The following CDC42EP2 variants were observed in gnomAD, a reference collection of about 807,000 sequenced individuals.
CDC42EP2 encodes CDC42 effector protein (Rho GTPase binding) 2.
In CDC42EP2, 5 loss-of-function variants were observed where a neutral mutation model predicts 7.3. That is an observed-to-expected ratio of 0.68 (90% confidence interval 0.36 to 1.44). The LOEUF (loss-of-function observed/expected upper bound fraction) is 1.44, where lower values mean the gene tolerates loss of function less well. Among genes scored for constraint, CDC42EP2 ranks in the 40% most tolerant of loss-of-function variants. CDC42EP2 has a pLI of 0.04. For synonymous variants in CDC42EP2, 113 were observed against 123.6 expected (o/e 0.91, Z 0.57); for missense variants, 251 against 282.6 (o/e 0.89, Z 0.80).
chr11:65,316,958 C>G (rs1367426116), intron 1 of CDC42EP2: 3 of 152,386 alleles, frequency 2.0e-5, no homozygotes, highest in Non-Finnish European at 4.4e-5. Context: ...GGACCTGGCC[C>G]AGGCTCTGGG....
At chr11:65,316,516 T>C (rs891695031) in intron 1 of CDC42EP2, among the ~76,000 whole-genome samples, 1 of 152,002 alleles carries the variant, frequency 6.6e-6, no homozygotes, top group Non-Finnish European at 1.5e-5. Flanking sequence ...TCCCCAAACA[T>C]ATTATGGAAG....
rs4149835 is a variant in CDC42EP2 at position 65,321,027 on chromosome 11, T to C, written c.129T>C (p.Ile43=). Residue 43 remains isoleucine, a synonymous_variant, in exon 2 of 2, where the codon ATT becomes ATC. Transcript: ENST00000279249. The surrounding 1 kb of genome is among the most constrained non-coding windows in gnomAD (Gnocchi z 4.4). The stretch of plus-strand genomic sequence containing the variant: ...GGGACTTCCGCCACACCATTCATAT[T>C]GGCAGTGGCGGCGGCAGTGACATGT... ...PLGDFRHTIH[I]GSGGGSDMFG... 22,504 of 1,614,130 alleles carry C rather than the reference T, an allele frequency of 0.014. 2,728 individuals are homozygous for C. The African/African-American group carries it at 0.26, about 19-fold the overall frequency.
rs941154865 is a variant in CDC42EP2, at chr11:65,321,555, G to T, written c.*24G>T. 3.3e-5 allele frequency: 52 copies of T among 1,567,432 alleles called. No individual in the cohort carries two copies. The highest frequency in any genetic ancestry group is 4.1e-5 in the Non-Finnish European group (47 of 1,152,156). On this transcript the variant is annotated 3_prime_UTR_variant, in exon 2 of 2. Coordinates refer to ENST00000279249, the MANE Select transcript of CDC42EP2 (RefSeq NM_006779.4). The surrounding 1 kb of genome is among the most constrained non-coding windows in gnomAD (Gnocchi z 4.4). ...AGGACACGAGGCTGCCTAGGCTGGG[G>T]TCCCAGGTGGGGCCCAGCCAGGAGG...
Position 65,315,967 on chromosome 11 carries a change from G to A in CDC42EP2, c.-356+1013G>A, listed in dbSNP as rs1385645576. Among the ~76,000 whole-genome samples the A allele has an allele frequency of 1.3e-5, 2 of 152,240 alleles. No homozygotes were observed. Among genetic ancestry groups the A allele is most frequent in the Non-Finnish European group, 2.9e-5 (2 of 68,044 alleles). On this transcript the variant is annotated intron_variant, in intron 1 of 1. Coordinates refer to ENST00000279249, the MANE Select transcript of CDC42EP2 (RefSeq NM_006779.4). The surrounding 1 kb of genome is among the most constrained non-coding windows in gnomAD (Gnocchi z 4.1). The stretch of plus-strand genomic sequence containing the variant: ...CCTTGTAGATATTTGCTGAATGAAT[G>A]ATAAAACCTACAGTGACCCGCTGAA...
In CDC42EP2 at chr11:65,319,506, A is replaced by G. The variant is rs113073878; in HGVS notation, c.-355-1038A>G. ...ATTGAGATGTGTCTGCAAAGAGCGC[A>G]GAAGAATTTCAGGTACAGAGCAGAG... On this transcript the variant is annotated intron_variant, in intron 1 of 1. Transcript: ENST00000279249. 6.7e-3 allele frequency among the ~76,000 whole-genome samples: 1,025 copies of G among 152,296 alleles called. 12 individuals carry two copies. Among genetic ancestry groups the G allele is most frequent in the African/African-American group, 0.023 (952 of 41,556 alleles).
At position 65,321,444 on chromosome 11, in the gene CDC42EP2, C is replaced by T; in HGVS notation, c.546C>T (p.Ser182=). The T allele has an allele frequency of 6.2e-7, 1 of 1,613,824 alleles. No individual in the cohort carries two copies. The highest frequency in any genetic ancestry group is 8.5e-7 in the Non-Finnish European group (1 of 1,180,010). ...TGTCCAATGCCAGCTCCCTGCTGTC[C>T]CTGCACGTGGACCTGGGGCCTTCCA... The part of the protein sequence containing the change: ...PFLSNASSLL[S]LHVDLGPSIL... The change falls in exon 2 of 2, where the codon TCC becomes TCT. Residue 182 remains serine, a synonymous_variant. Coordinates refer to ENST00000279249, the MANE Select transcript of CDC42EP2 (RefSeq NM_006779.4). The surrounding 1 kb of genome is among the most constrained non-coding windows in gnomAD (Gnocchi z 4.4).
chr11:65,315,830 CTCGAGG>C lies in CDC42EP2; in HGVS notation c.-356+879_-356+884del, dbSNP rs1949945189. Among the ~76,000 whole-genome samples, 1 of 152,232 alleles carries C rather than the reference CTCGAGG, an allele frequency of 6.6e-6. No homozygotes were observed. The highest frequency in any genetic ancestry group is 2.4e-5 in the African/African-American group (1 of 41,468). The stretch of plus-strand genomic sequence containing the variant: ...GCGGCCGCTAGAGGGTCTCTGCATC[CTCGAGG>C]TCTAGGAGGGCGGGAGGAGGTGGAC... On this transcript the variant is annotated intron_variant, in intron 1 of 1. Coordinates refer to ENST00000279249, the MANE Select transcript of CDC42EP2 (RefSeq NM_006779.4). This position sits in a 1 kb window ranked among gnomAD's most constrained non-coding sequence, Gnocchi z 4.1.
Position 65,321,636 on chromosome 11 carries a change from T to C in CDC42EP2, c.*105T>C. ...TCAGGGTCCCAAGATCCCACCTGTA[T>C]GGTCGCTGGCCAGTGATTCTCCTTC... On this transcript the variant is annotated 3_prime_UTR_variant, in exon 2 of 2. Coordinates refer to ENST00000279249, the MANE Select transcript of CDC42EP2 (RefSeq NM_006779.4). This position sits in a 1 kb window ranked among gnomAD's most constrained non-coding sequence, Gnocchi z 4.4. 1 of 1,054,700 alleles carries C rather than the reference T, an allele frequency of 9.5e-7. No individual in the cohort carries two copies. The highest frequency in any genetic ancestry group is 2.4e-5 in the Admixed American group (1 of 42,226). 65.3% of individuals were successfully genotyped at this position (1,054,700 alleles called of 1,614,324 possible). A position where few individuals can be genotyped will look rare whatever the true frequency, so the allele number is the denominator to read the frequency against.
chr11:65,321,163 G>A lies in CDC42EP2; in HGVS notation c.265G>A (p.Ala89Thr), dbSNP rs201902468. The A allele has an allele frequency of 1.2e-4, 190 of 1,613,930 alleles. No homozygotes were observed. Among genetic ancestry groups the A allele is most frequent in the South Asian group, 2.7e-4 (25 of 91,074 alleles). The change falls in exon 2 of 2, where the codon GCC (alanine) becomes ACC (threonine). Residue 89 changes from alanine (A) to threonine (T), a missense_variant. By Grantham distance (58) the Ala-to-Thr change is moderately conservative. Transcript: ENST00000279249. The surrounding 1 kb of genome is among the most constrained non-coding windows in gnomAD (Gnocchi z 4.4). The stretch of plus-strand genomic sequence containing the variant: ...CCTCCCCTTCCAGTTCACCCGCACC[G>A]CCACCGTGTGTGGGCGGGAGCTCCC... ...FDLPFQFTRTATVCGRELPDG... is the reference protein window; with the variant it reads ...FDLPFQFTRTTTVCGRELPDG...
rs543043466 is a variant in CDC42EP2, at chr11:65,321,881, G to A, written c.*350G>A. The A allele has an allele frequency of 2.6e-5, 6 of 228,980 alleles. No homozygotes were observed. Among genetic ancestry groups the A allele is most frequent in the East Asian group, 1.0e-4 (1 of 9,728 alleles). 14.2% of individuals were successfully genotyped at this position (228,980 alleles called of 1,614,324 possible). ...TTCACGTCCCTTCTGCCTCTGCCCC[G>A]TTGGATGCCCTGACTGGGGGCAGGG... On this transcript the variant is annotated 3_prime_UTR_variant, in exon 2 of 2. Transcript: ENST00000279249. This position sits in a 1 kb window ranked among gnomAD's most constrained non-coding sequence, Gnocchi z 4.4.
rs1949941799 is a variant in CDC42EP2, at chr11:65,315,311, T to C, written c.-356+357T>C. Among the ~76,000 whole-genome samples the C allele has an allele frequency of 6.6e-6, 1 of 152,204 alleles. No individual in the cohort carries two copies. On this transcript the variant is annotated intron_variant, in intron 1 of 1. Transcript: ENST00000279249. The surrounding 1 kb of genome is among the most constrained non-coding windows in gnomAD (Gnocchi z 4.1). Reference sequence around the variant, plus strand: ...CGATAGTGAGTTGTTCTCCTATCTTTAGCTGCGGCCGCGAATGTCCTGAAA... The same window carrying C: ...CGATAGTGAGTTGTTCTCCTATCTTCAGCTGCGGCCGCGAATGTCCTGAAA...
chr11:65,321,608 G>C lies in CDC42EP2; in HGVS notation c.*77G>C, dbSNP rs558440813. 1 of 1,401,626 alleles carries C rather than the reference G, an allele frequency of 7.1e-7. No individual in the cohort carries two copies. Among genetic ancestry groups the C allele is most frequent in the Admixed American group, 2.2e-5 (1 of 45,612 alleles). 86.8% of individuals were successfully genotyped at this position (1,401,626 alleles called of 1,614,324 possible). ...GGGTGTGGACCCGGCCCTGGCGGCGGAGTCAGGGTCCCAAGATCCCACCTG... is the reference window on the plus strand; with the variant it reads ...GGGTGTGGACCCGGCCCTGGCGGCGCAGTCAGGGTCCCAAGATCCCACCTG... On this transcript the variant is annotated 3_prime_UTR_variant, in exon 2 of 2. Coordinates refer to ENST00000279249, the MANE Select transcript of CDC42EP2 (RefSeq NM_006779.4). The surrounding 1 kb of genome is among the most constrained non-coding windows in gnomAD (Gnocchi z 4.4).
rs1043138463 is a variant in CDC42EP2, at chr11:65,315,186, C to T, written c.-356+232C>T. Among the ~76,000 whole-genome samples, 6 of 152,342 alleles carry T rather than the reference C, an allele frequency of 3.9e-5. No individual in the cohort carries two copies. The highest frequency in any genetic ancestry group is 1.3e-4 in the Admixed American group (2 of 15,312). ...GCATCCCGACCCCGAATTCCCCGTT[C>T]TGCCCTCCATTTTGTGTCCGGGCCC... is the stretch of plus-strand genomic sequence containing the variant. On this transcript the variant is annotated intron_variant, in intron 1 of 1. Transcript: ENST00000279249. This position sits in a 1 kb window ranked among gnomAD's most constrained non-coding sequence, Gnocchi z 4.1.
chr11:65,321,138 C>T lies in CDC42EP2; in HGVS notation c.240C>T (p.Asp80=), dbSNP rs1479493249. ...GGCCTGAAGAAGATGGCACCTTCGA[C>T]CTCCCCTTCCAGTTCACCCGCACCG... ...VEGPEEDGTF[D]LPFQFTRTAT... is the part of the protein sequence containing the mutation. Residue 80 remains aspartate, a synonymous_variant, in exon 2 of 2, where the codon GAC becomes GAT. Transcript: ENST00000279249. This position sits in a 1 kb window ranked among gnomAD's most constrained non-coding sequence, Gnocchi z 4.4. 2 of 1,614,050 alleles carry T rather than the reference C, an allele frequency of 1.2e-6. No homozygotes were observed. The highest frequency in any genetic ancestry group is 1.3e-5 in the African/African-American group (1 of 74,928).
Position 65,322,317 on chromosome 11 carries a change from C to A in CDC42EP2, c.*786C>A, listed in dbSNP as rs1949979567. ...AGATGTTTGGCAAGAGGTGGCTGAG[C>A]ACTGGGGTGGGCTTGGCACTGTGCC... On this transcript the variant is annotated 3_prime_UTR_variant, in exon 2 of 2. Coordinates refer to ENST00000279249, the MANE Select transcript of CDC42EP2 (RefSeq NM_006779.4). 1 of 167,004 alleles carries A rather than the reference C, an allele frequency of 6.0e-6. No individual in the cohort carries two copies. The highest frequency in any genetic ancestry group is 2.4e-5 in the African/African-American group (1 of 41,438). The allele number at this position is 167,004 out of a possible 1,614,324, so 10.3% of individuals were successfully genotyped here.
intron 1 of CDC42EP2, among the ~76,000 whole-genome samples, chr11:65,319,652 G>A (rs1349873841): frequency 6.6e-6 from 1 of 152,132 alleles, no homozygotes; most frequent in African/African-American, 2.4e-5. Context: ...CTCTTAATAG[G>A]CAGAGGAGAA....
Position 65,321,137 on chromosome 11 carries a change from A to T in CDC42EP2, c.239A>T (p.Asp80Val), listed in dbSNP as rs763616163. The change falls in exon 2 of 2, where the codon GAC becomes GTC. Residue 80 changes from aspartate (D) to valine (V), a missense_variant. Transcript: ENST00000279249. This position sits in a 1 kb window ranked among gnomAD's most constrained non-coding sequence, Gnocchi z 4.4. Reference sequence around the variant, plus strand: ...GGGCCTGAAGAAGATGGCACCTTCGACCTCCCCTTCCAGTTCACCCGCACC... The same window carrying T: ...GGGCCTGAAGAAGATGGCACCTTCGTCCTCCCCTTCCAGTTCACCCGCACC... ...VEGPEEDGTF[D>V]LPFQFTRTAT... is the part of the protein sequence containing the mutation. 1 of 1,613,126 alleles carries T rather than the reference A, an allele frequency of 6.2e-7. No homozygotes were observed.
chr11:65,321,616 G>C lies in CDC42EP2; in HGVS notation c.*85G>C. ...ACCCGGCCCTGGCGGCGGAGTCAGG[G>C]TCCCAAGATCCCACCTGTATGGTCG... On this transcript the variant is annotated 3_prime_UTR_variant, in exon 2 of 2. Transcript: ENST00000279249. The surrounding 1 kb of genome is among the most constrained non-coding windows in gnomAD (Gnocchi z 4.4). 1 of 1,319,682 alleles carries C rather than the reference G, an allele frequency of 7.6e-7. No homozygotes were observed. The highest frequency in any genetic ancestry group is 1.0e-6 in the Non-Finnish European group (1 of 952,462). The allele number at this position is 1,319,682 out of a possible 1,614,324, so 81.7% of individuals were successfully genotyped here.
In CDC42EP2 at chr11:65,320,875, G is replaced by A. The variant is rs1375608907; in HGVS notation, c.-24G>A. 1 of 1,578,200 alleles carries A rather than the reference G, an allele frequency of 6.3e-7. No individual in the cohort carries two copies. Among genetic ancestry groups the A allele is most frequent in the Non-Finnish European group, 8.6e-7 (1 of 1,156,680 alleles). On this transcript the variant is annotated 5_prime_UTR_variant, in exon 2 of 2. Transcript: ENST00000279249. ...TCAGCAGGCGGCCCGTAGCCTCACAGCCAGGCCTGGTGGTGAGGTCACCAT... is the reference window on the plus strand; with the variant it reads ...TCAGCAGGCGGCCCGTAGCCTCACAACCAGGCCTGGTGGTGAGGTCACCAT...
Sources: allele counts gnomAD v4.1 joint callset (sites outside exome capture counted in the v4.1 genomes callset), GRCh38; gene constraint gnomAD v4.1.1; non-coding constraint Gnocchi (gnomAD v3.1); transcripts MANE v1.5; gene names NCBI Gene and HGNC (gene_info 2026-07-23, HGNC 2026-07-21).